The following CYP2B6 variants were observed in gnomAD, a reference collection of about 807,000 sequenced individuals.
The protein encoded by CYP2B6 is cytochrome P450 2B6.
In CYP2B6, 35 loss-of-function variants were observed where a neutral mutation model predicts 43.4. The observed-to-expected ratio is 0.81, with a 90% CI of 0.62 to 1.07. The LOEUF (loss-of-function observed/expected upper bound fraction) is 1.07, where lower values mean the gene tolerates loss of function less well. Ranked by LOEUF, CYP2B6 falls within the 50% of genes least tolerant of loss-of-function variation. The probability of loss-of-function intolerance (pLI) is 0.00; values close to 1 mark genes in which losing one functional copy is unlikely to be tolerated. For synonymous variants in CYP2B6, 239 were observed against 239.2 expected (o/e 1.00, Z 0.01); for missense variants, 624 against 632.8 (o/e 0.99, Z 0.15).
rs1415525361 is a variant in CYP2B6 at position 41,012,337 on chromosome 19, A to G, written c.1004A>G (p.His335Arg). 3.1e-6 allele frequency: 5 copies of G among 1,614,128 alleles called. No homozygotes were observed. Among genetic ancestry groups the G allele is most frequent in the Non-Finnish European group, 4.2e-6 (5 of 1,180,016 alleles). The change falls in exon 7 of 9, where the codon CAT (histidine) becomes CGT (arginine). Residue 335 changes from histidine to arginine, a missense_variant. His to Arg is a conservative substitution (Grantham distance 29, BLOSUM62 0). Transcript: ENST00000324071. ...YREIEQVIGP[H>R]RPPELHDRAK... The stretch of plus-strand genomic sequence containing the variant: ...GAGATTGAACAGGTGATTGGCCCAC[A>G]TCGCCCTCCAGAGCTTCATGACCGA...
intron 3 of CYP2B6, among the ~76,000 whole-genome samples, chr19:41,004,656 C>A (rs1292565633): frequency 1.3e-3 from 199 of 151,856 alleles, no homozygotes; most frequent in African/African-American, 4.6e-3. Flanking sequence ...CACAGAGAGC[C>A]AGGGAAAGAG....
chr19:41,016,849 A>G lies in CYP2B6; in HGVS notation c.*22A>G. 1 of 1,609,496 alleles carries G rather than the reference A, an allele frequency of 6.2e-7. No individual in the cohort carries two copies. ...CTGAAGGGGCTGAGGGAAGGGGGTC[A>G]AAGGATTCCAGGGTCATTCAGTGTC... On this transcript the variant is annotated 3_prime_UTR_variant, in exon 9 of 9. Coordinates refer to ENST00000324071, the MANE Select transcript of CYP2B6 (RefSeq NM_000767.5).
intron 1 of CYP2B6, among the ~76,000 whole-genome samples, chr19:40,998,924 C>A (rs1190146116): frequency 8.0e-6 from 1 of 124,704 alleles, no homozygotes. Context: ...ATTTATAGTC[C>A]TTTGGGTATA....
intron 8 of CYP2B6, among the ~76,000 whole-genome samples, chr19:41,015,557 C>T (rs1969347804): frequency 6.6e-6 from 1 of 152,156 alleles, no homozygotes; most frequent in African/African-American, 2.4e-5. Context: ...TTTTCCAGCA[C>T]CCTTTGTTCT....
intron 1 of CYP2B6, among the ~76,000 whole-genome samples, chr19:40,997,825 G>T (rs974364932): frequency 1.3e-5 from 2 of 149,734 alleles, no homozygotes; most frequent in African/African-American, 5.1e-5. Flanking sequence ...CACTCAAAGA[G>T]GTGGTGGCTT....
At position 41,002,942 on chromosome 19, in the gene CYP2B6, G is replaced by A. The variant is rs569092964; in HGVS notation, c.172-1059G>A. Among the ~76,000 whole-genome samples, 210 of 152,190 alleles carry A rather than the reference G, an allele frequency of 1.4e-3. 1 individual carries two copies. The highest frequency in any genetic ancestry group is 4.8e-3 in the African/African-American group (201 of 41,482). On this transcript the variant is annotated intron_variant, in intron 1 of 8. Transcript: ENST00000324071. ...CATTATGCCTGTGAGTTTCAGCCAC[G>A]TTGTCGCCTGTAGCTGTGGTTTGTT...
chr19:41,004,425 G>C lies in CYP2B6; in HGVS notation c.463G>C (p.Glu155Gln), dbSNP rs370343466. Residue 155 changes from glutamate (E) to glutamine (Q), a missense_variant, in exon 3 of 9, where the codon GAG becomes CAG. By Grantham distance (29) the Glu-to-Gln change is conservative. Coordinates refer to ENST00000324071, the MANE Select transcript of CYP2B6 (RefSeq NM_000767.5). ...RIQEEAQCLI[E>Q]ELRKSKGALM... ...TCAGGAGGAGGCTCAGTGTCTGATA[G>C]AGGAGCTTCGGAAATCCAAGGGTGA... The C allele has an allele frequency of 6.2e-7, 1 of 1,613,828 alleles. No homozygotes were observed. The highest frequency in any genetic ancestry group is 1.3e-5 in the African/African-American group (1 of 74,846).
In CYP2B6 at chr19:41,017,086, A is replaced by G. The variant is rs191323958; in HGVS notation, c.*259A>G. On this transcript the variant is annotated 3_prime_UTR_variant, in exon 9 of 9. Coordinates refer to ENST00000324071, the MANE Select transcript of CYP2B6 (RefSeq NM_000767.5). ...GAGACAGAGTCTCACACTGTTGCCC[A>G]GGCTGGAGTGCAGTGGCGTGATCTC... The G allele has an allele frequency of 7.4e-4, 197 of 267,958 alleles. 1 individual carries two copies. The highest frequency in any genetic ancestry group is 3.9e-3 in the African/African-American group (179 of 45,548). 16.6% of individuals were successfully genotyped at this position (267,958 alleles called of 1,614,324 possible). A position where few individuals can be genotyped will look rare whatever the true frequency, so the allele number is the denominator to read the frequency against.
rs1412332532 is a variant in CYP2B6 at position 41,012,555 on chromosome 19, C to T, written c.1152+70C>T. The T allele has an allele frequency of 2.1e-5, 33 of 1,608,758 alleles. No individual in the cohort carries two copies. The Admixed American group carries it at 2.7e-4, about 13-fold the overall frequency. On this transcript the variant is annotated intron_variant, in intron 7 of 8. Coordinates refer to ENST00000324071, the MANE Select transcript of CYP2B6 (RefSeq NM_000767.5). ...GGATTCTCTTAATCCCCGAACTCAA[C>T]CTTTTGTTAGCTCCTTAATTGAGTC... is the stretch of plus-strand genomic sequence containing the variant.
Position 41,004,381 on chromosome 19 carries a change from G to T in CYP2B6, c.419G>T (p.Arg140Leu). 1 of 1,614,002 alleles carries T rather than the reference G, an allele frequency of 6.2e-7. No individual in the cohort carries two copies. The highest frequency in any genetic ancestry group is 8.5e-7 in the Non-Finnish European group (1 of 1,180,014). ...ATGAGGGACTTCGGGATGGGAAAGC[G>T]GAGTGTGGAGGAGCGGATTCAGGAG... ...TTMRDFGMGK[R>L]SVEERIQEEA... is the part of the protein sequence containing the mutation. The change falls in exon 3 of 9, where the codon CGG becomes CTG. Residue 140 changes from arginine to leucine, a missense_variant. Transcript: ENST00000324071.
intron 1 of CYP2B6, among the ~76,000 whole-genome samples, chr19:40,995,914 C>G (rs1305476061): frequency 7.2e-5 from 11 of 152,150 alleles, no homozygotes; most frequent in African/African-American, 2.7e-4. Context: ...TCCAGAAAGT[C>G]TGAGCCCCGA....
chr19:40,997,129 A>G (rs1196438084), intron 1 of CYP2B6, among the ~76,000 whole-genome samples: 1 of 151,976 alleles, frequency 6.6e-6, no homozygotes, highest in Non-Finnish European at 1.5e-5. Context: ...TGCTGTGCCA[A>G]TGAGAGAGAG....
In CYP2B6 at chr19:41,016,774, T is replaced by G. The variant is rs762060128; in HGVS notation, c.1423T>G (p.Cys475Gly). ...AGACATCGATCTGACACCCCAGGAG[T>G]GTGGTGTGGGCAAAATACCCCCAAC... is the stretch of plus-strand genomic sequence containing the variant. Reference protein sequence around the residue: ...PEDIDLTPQECGVGKIPPTYQ... With the variant: ...PEDIDLTPQEGGVGKIPPTYQ... Residue 475 changes from cysteine to glycine, a missense_variant, in exon 9 of 9, where the codon TGT becomes GGT. Transcript: ENST00000324071. 1.2e-6 allele frequency: 2 copies of G among 1,613,972 alleles called. No individual in the cohort carries two copies. Among genetic ancestry groups the G allele is most frequent in the Non-Finnish European group, 1.7e-6 (2 of 1,179,980 alleles).
intron 7 of CYP2B6, 57 bp downstream of exon 7, chr19:41,012,542 TC>T (rs1431216752): frequency 6.2e-7 from 1 of 1,611,338 alleles, no homozygotes; most frequent in Non-Finnish European, 8.5e-7. Context: ...ATTCTCTTAA[TC>T]CCCGAACTCA....
intron 8 of CYP2B6, 56 bp from the exon 9 acceptor site, chr19:41,016,590 G>C: frequency 1.9e-6 from 3 of 1,588,018 alleles, no homozygotes; most frequent in Non-Finnish European, 2.6e-6. Context: ...GGACATGGCA[G>C]AGCGAAGTGT....
intron 8 of CYP2B6, among the ~76,000 whole-genome samples, chr19:41,016,001 C>CACACACAA (rs971367109): frequency 1.3e-5 from 2 of 149,388 alleles, no homozygotes; most frequent in African/African-American, 4.9e-5. Flanking sequence ...TGTACAGGTA[C>CACACACAA]ACACACACAC....
chr19:41,012,681 A>G lies in CYP2B6; in HGVS notation c.1160A>G (p.Glu387Gly), dbSNP rs1394462025. The G allele has an allele frequency of 6.2e-7, 1 of 1,613,904 alleles. No homozygotes were observed. Among genetic ancestry groups the G allele is most frequent in the Non-Finnish European group, 8.5e-7 (1 of 1,180,002 alleles). Residue 387 changes from glutamate (E) to glycine (G), a missense_variant, in exon 8 of 9, where the codon GAA becomes GGA. Transcript: ENST00000324071. ...FRGYIIPKDT[E>G]VFLILSTALH... ...CTTGTGATCCTCCCTCAGGACACAG[A>G]AGTATTTCTCATCCTGAGCACTGCT...
At chr19:40,992,726 C>T (rs1397135555) in intron 1 of CYP2B6, among the ~76,000 whole-genome samples, 2 of 151,976 alleles carry the variant, frequency 1.3e-5, no homozygotes, top group Non-Finnish European at 2.9e-5. Context: ...TGCCATGTTG[C>T]CCAGACTGGT....
At chr19:40,992,676 C>A (rs1399951043) in intron 1 of CYP2B6, among the ~76,000 whole-genome samples, 1 of 151,998 alleles carries the variant, frequency 6.6e-6, no homozygotes, top group Non-Finnish European at 1.5e-5. Context: ...CATGCCACCA[C>A]GCCCAGCTAA....
Sources: allele counts gnomAD v4.1 joint callset (sites outside exome capture counted in the v4.1 genomes callset), GRCh38; gene constraint gnomAD v4.1.1; transcripts MANE v1.5; gene names NCBI Gene and HGNC (gene_info 2026-07-23, HGNC 2026-07-21).